The following SLC2A13 variants were observed in gnomAD, a reference collection of about 807,000 sequenced individuals.
SLC2A13 encodes proton myo-inositol cotransporter.
Under a neutral mutation model 64.4 loss-of-function variants are expected in SLC2A13, and 32 were observed. The ratio of observed to expected loss-of-function variants is 0.50; its 90% confidence interval spans 0.37 to 0.67. The LOEUF (loss-of-function observed/expected upper bound fraction) is 0.67, where lower values mean the gene tolerates loss of function less well. Ranked by LOEUF, SLC2A13 falls within the 30% of genes least tolerant of loss-of-function variation. SLC2A13 has a pLI of 0.00. For missense variants in SLC2A13, 743 were observed against 829.2 expected (o/e 0.90, Z 1.28); for synonymous variants, 338 against 327.1 (o/e 1.03, Z -0.36).
chr12:40,084,898 T>G (rs775347239), intron 1 of SLC2A13, among the ~76,000 whole-genome samples: 28 of 151,908 alleles, frequency 1.8e-4, no homozygotes, highest in Non-Finnish European at 3.4e-4. Context: ...AGGATAAGGG[T>G]TGGTCACTGG....
At chr12:39,767,188 C>A (rs776772942) in intron 7 of SLC2A13, among the ~76,000 whole-genome samples, 1 of 152,006 alleles carries the variant, frequency 6.6e-6, no homozygotes, top group Non-Finnish European at 1.5e-5. Flanking sequence ...CCATGGGCTG[C>A]AGAATGGATG....
chr12:39,900,413 T>G (rs542523920), intron 4 of SLC2A13, among the ~76,000 whole-genome samples: 3 of 152,248 alleles, frequency 2.0e-5, no homozygotes, highest in African/African-American at 7.2e-5. Context: ...TGTTTGCAGA[T>G]GACATGATCG....
At chr12:40,081,044 C>T (rs1938379475) in intron 1 of SLC2A13, among the ~76,000 whole-genome samples, 1 of 152,116 alleles carries the variant, frequency 6.6e-6, no homozygotes, top group Non-Finnish European at 1.5e-5. Context: ...TCTCTTCTGG[C>T]TTGTAAGATT....
intron 3 of SLC2A13, among the ~76,000 whole-genome samples, chr12:40,025,971 C>T (rs1947797561): frequency 6.6e-6 from 1 of 152,170 alleles, no homozygotes; most frequent in Non-Finnish European, 1.5e-5. Flanking sequence ...GAGTCTTGCT[C>T]CTGGACATTA....
At position 39,945,880 on chromosome 12, in the gene SLC2A13, T is replaced by A. The variant is rs540944752; in HGVS notation, c.1034+5377A>T. On this transcript the variant is annotated intron_variant, in intron 4 of 9. Transcript: ENST00000280871. ...ATCAGGGATTTCTTCTTGGTTTGCATCCACTGCTGGTGAATTAGCGTGATT... is the reference window on the plus strand; with the variant it reads ...ATCAGGGATTTCTTCTTGGTTTGCAACCACTGCTGGTGAATTAGCGTGATT... 4.7e-5 allele frequency among the ~76,000 whole-genome samples: 7 copies of A among 149,550 alleles called. No homozygotes were observed. The South Asian group carries it at 1.5e-3, about 33-fold the overall frequency.
chr12:40,066,367 T>TAC (rs1565611992), intron 1 of SLC2A13, among the ~76,000 whole-genome samples: 1 of 152,220 alleles, frequency 6.6e-6, no homozygotes, highest in Non-Finnish European at 1.5e-5. Flanking sequence ...AATTGAGTAG[T>TAC]ACATCAATGT....
intron 3 of SLC2A13, among the ~76,000 whole-genome samples, chr12:40,020,001 A>G (rs1947685705): frequency 6.6e-6 from 1 of 152,240 alleles, no homozygotes; most frequent in South Asian, 2.1e-4. Flanking sequence ...CAAGGTATTC[A>G]GTAAGATACT....
intron 3 of SLC2A13, among the ~76,000 whole-genome samples, chr12:39,957,030 C>G (rs1946325809): frequency 6.6e-6 from 1 of 152,148 alleles, no homozygotes; most frequent in South Asian, 2.1e-4. Context: ...ACGATCCTTT[C>G]CTGAATGCAA....
rs1190085278 is a variant in SLC2A13, at chr12:40,105,973, G to A, written c.-165C>T. The A allele has an allele frequency of 1.5e-5, 13 of 859,062 alleles. No homozygotes were observed. The highest frequency in any genetic ancestry group is 8.8e-5 in the Admixed American group (2 of 22,818). The allele number at this position is 859,062 out of a possible 1,614,324, so 53.2% of individuals were successfully genotyped here. On this transcript the variant is annotated 5_prime_UTR_variant, in exon 1 of 10. Transcript: ENST00000280871. This position sits in a 1 kb window ranked among gnomAD's most constrained non-coding sequence, Gnocchi z 4.2. ...CAGCAGCCGCCGCCACGGCCGCTCC[G>A]GGGAGAAAGTTGCTGCCCGCCGCGC...
chr12:39,791,093 T>G (rs958982190), intron 7 of SLC2A13, among the ~76,000 whole-genome samples: 4 of 149,870 alleles, frequency 2.7e-5, no homozygotes, highest in African/African-American at 7.4e-5. Context: ...TAAATTTGTT[T>G]GAGTTCATTG....
chr12:39,970,846 G>A (rs1406632961), intron 3 of SLC2A13, among the ~76,000 whole-genome samples: 1 of 152,160 alleles, frequency 6.6e-6, no homozygotes, highest in Admixed American at 6.5e-5. Flanking sequence ...GAAAACTCAT[G>A]TAAAAAACTA....
intron 1 of SLC2A13, among the ~76,000 whole-genome samples, chr12:40,099,622 A>G (rs937594080): frequency 6.6e-6 from 1 of 152,238 alleles, no homozygotes; most frequent in African/African-American, 2.4e-5. Context: ...ACGTTAACAG[A>G]CTTACGTTAT....
At chr12:39,786,022 G>A (rs1318444704) in intron 7 of SLC2A13, among the ~76,000 whole-genome samples, 1 of 152,164 alleles carries the variant, frequency 6.6e-6, no homozygotes, top group Non-Finnish European at 1.5e-5. Flanking sequence ...TTGGACTGTG[G>A]ACTTTTGAGT....
chr12:39,946,145 A>G (rs1946129089), intron 4 of SLC2A13, among the ~76,000 whole-genome samples: 1 of 152,188 alleles, frequency 6.6e-6, no homozygotes, highest in Admixed American at 6.5e-5. Flanking sequence ...CTAGCCACGC[A>G]GCGAGTCTAC....
chr12:39,826,722 A>G (rs767496746), intron 7 of SLC2A13, among the ~76,000 whole-genome samples: 68 of 151,262 alleles, frequency 4.5e-4, no homozygotes, highest in Non-Finnish European at 7.4e-5. Context: ...TTTTTTTTGC[A>G]AAATTGCTGA....
At chr12:39,968,727 C>T (rs1174292717) in intron 3 of SLC2A13, among the ~76,000 whole-genome samples, 2 of 78,872 alleles carry the variant, frequency 2.5e-5, no homozygotes, top group Admixed American at 1.7e-4. Flanking sequence ...TCTAAGCCTG[C>T]CCTTTCTTTT....
chr12:39,895,584 G>T (rs1160871253), intron 4 of SLC2A13, among the ~76,000 whole-genome samples: 1 of 122,328 alleles, frequency 8.2e-6, no homozygotes, highest in Non-Finnish European at 1.7e-5. Context: ...ATGTATATGT[G>T]TATATATATG....
chr12:39,809,957 G>A (rs900018716), intron 7 of SLC2A13, among the ~76,000 whole-genome samples: 6 of 152,180 alleles, frequency 3.9e-5, no homozygotes, highest in East Asian at 1.9e-4. Context: ...GAATAGTGCC[G>A]CAATAAACAT....
intron 1 of SLC2A13, among the ~76,000 whole-genome samples, chr12:40,059,477 CCA>C (rs1948383489): frequency 6.6e-6 from 1 of 152,172 alleles, no homozygotes; most frequent in African/African-American, 2.4e-5. Context: ...TCCCAAACTC[CCA>C]CTTTAGGTTT....
Sources: gnomAD v4.1 joint callset for allele counts (sites outside exome capture counted in the v4.1 genomes callset) on GRCh38, gnomAD v4.1.1 for gene constraint, Gnocchi (gnomAD v3.1) non-coding constraint, MANE v1.5 for transcripts, NCBI Gene and HGNC (gene_info 2026-07-23, HGNC 2026-07-21) for gene names.